CBLN2: variants seen among roughly 807,000 people sequenced by gnomAD.
The protein encoded by CBLN2 is cerebellin-2.
A neutral mutation model predicts 15.0 loss-of-function variants in CBLN2; 7 were observed. The ratio of observed to expected loss-of-function variants is 0.47; its 90% CI spans 0.27 to 0.88. The LOEUF (loss-of-function observed/expected upper bound fraction) is 0.88. CBLN2 is among the 40% of genes least tolerant of loss of function. The pLI is 0.14. For missense variants in CBLN2, 242 were observed against 304.5 expected (o/e 0.79, Z 1.53); for synonymous variants, 149 against 135.2 (o/e 1.10, Z -0.71).
At chr18:72,589,968 A>G (rs2069468923) in intron 1 of CBLN2, among the ~76,000 whole-genome samples, 1 of 152,182 alleles carries the variant, frequency 6.6e-6, no homozygotes, top group African/African-American at 2.4e-5. Context: ...CCCTATCTCT[A>G]CTAAAAATAC....
Position 72,583,386 on chromosome 18 carries a change from C to T in CBLN2, c.16-44614G>A, listed in dbSNP as rs191533629. Among the ~76,000 whole-genome samples, 130 of 152,206 alleles carry T rather than the reference C, an allele frequency of 8.5e-4. 1 individual carries two copies. The Middle Eastern group carries it at 0.01, about 12-fold the overall frequency. The stretch of plus-strand genomic sequence containing the variant: ...AGAGCCTGTTATTCCCTCTCACCCA[C>T]GCCCAGTCCCTCCTTGCAAACACAA... On this transcript the variant is annotated intron_variant, in intron 1 of 2. Coordinates refer to the CBLN2 transcript ENST00000581073.
intron 1 of CBLN2, among the ~76,000 whole-genome samples, chr18:72,561,989 T>C (rs1484729566): frequency 6.6e-6 from 1 of 152,186 alleles, no homozygotes; most frequent in Non-Finnish European, 1.5e-5. Context: ...ATTGCTAGGT[T>C]ACACAATTCC....
At chr18:72,617,159 T>A (rs2069667874) in intron 1 of CBLN2, among the ~76,000 whole-genome samples, 1 of 152,174 alleles carries the variant, frequency 6.6e-6, no homozygotes. Context: ...AAATTCAAGC[T>A]CACATATGTA....
At chr18:72,575,190 G>T (rs2069357027) in intron 1 of CBLN2, among the ~76,000 whole-genome samples, 1 of 152,128 alleles carries the variant, frequency 6.6e-6, no homozygotes, top group Admixed American at 6.5e-5. Flanking sequence ...TGTGATGCAG[G>T]TGCTGAGACA....
At chr18:72,551,133 T>G (rs2069189544) in intron 1 of CBLN2, among the ~76,000 whole-genome samples, 2 of 152,108 alleles carry the variant, frequency 1.3e-5, no homozygotes, top group South Asian at 4.1e-4. Context: ...AGTCCTCTAT[T>G]TAAACATTGA....
At chr18:72,619,660 C>A (rs1005507970) in intron 1 of CBLN2, among the ~76,000 whole-genome samples, 3 of 152,012 alleles carry the variant, frequency 2.0e-5, no homozygotes, top group African/African-American at 7.2e-5. Context: ...TTGTTTTTTG[C>A]CCTTGATTAT....
chr18:72,561,985 A>G (rs951112787), intron 1 of CBLN2, among the ~76,000 whole-genome samples: 4 of 152,210 alleles, frequency 2.6e-5, no homozygotes, highest in African/African-American at 9.6e-5. Context: ...AATCATTGCT[A>G]GGTTACACAA....
At chr18:72,540,139 C>T (rs891971788) in intron 3 of CBLN2, 1 of 152,182 alleles carries the variant, frequency 6.6e-6, no homozygotes, top group Non-Finnish European at 1.5e-5. Context: ...TCTCACAAGG[C>T]TATGCTCGCT....
At chr18:72,565,682 T>G (rs948541858) in intron 1 of CBLN2, among the ~76,000 whole-genome samples, 40 of 152,146 alleles carry the variant, frequency 2.6e-4, no homozygotes, top group African/African-American at 9.2e-4. Context: ...ACTGCTACAG[T>G]AAATCACCAG....
At chr18:72,615,135 TATAA>T (rs1311786778) in intron 1 of CBLN2, among the ~76,000 whole-genome samples, 12 of 131,630 alleles carry the variant, frequency 9.1e-5, no homozygotes, top group African/African-American at 1.2e-4. Flanking sequence ...AAATATATTA[TATAA>T]ATAAATATAA....
At chr18:72,635,911 T>C (rs2069809148) in intron 1 of CBLN2, among the ~76,000 whole-genome samples, 1 of 152,180 alleles carries the variant, frequency 6.6e-6, no homozygotes, top group African/African-American at 2.4e-5. Context: ...TAAATGTTTC[T>C]ATAAAGGAAT....
intron 1 of CBLN2, among the ~76,000 whole-genome samples, chr18:72,611,517 TG>T (rs375752017): frequency 1.8e-4 from 28 of 152,324 alleles, no homozygotes; most frequent in African/African-American, 6.7e-4. Flanking sequence ...CATTTTTTCA[TG>T]TTTGTTGGCT....
At chr18:72,561,766 A>G (rs2069263139) in intron 1 of CBLN2, among the ~76,000 whole-genome samples, 1 of 152,180 alleles carries the variant, frequency 6.6e-6, no homozygotes, top group Admixed American at 6.5e-5. Context: ...TGCTTATTTC[A>G]TGCACAATTT....
chr18:72,552,150 G>A (rs1363578400), intron 1 of CBLN2, among the ~76,000 whole-genome samples: 2 of 150,234 alleles, frequency 1.3e-5, no homozygotes, highest in Non-Finnish European at 2.9e-5. Flanking sequence ...AGGCTGGTAC[G>A]ATCTCGGCTG....
At chr18:72,630,564 C>CAGAGAGAGAGAGAGAGAGAG (rs368831135) in intron 1 of CBLN2, among the ~76,000 whole-genome samples, 7,422 of 135,012 alleles carry the variant, frequency 0.055, 225 homozygotes, top group East Asian at 0.061. Flanking sequence ...CACACACATG[C>CAGAGAGAGAGAGAGAGAGAG]AGAGAGAGAG....
chr18:72,574,623 G>C (rs2069353063), intron 1 of CBLN2, among the ~76,000 whole-genome samples: 1 of 152,192 alleles, frequency 6.6e-6, no homozygotes, highest in Non-Finnish European at 1.5e-5. Context: ...CAGCAGGAAT[G>C]CAAAGTATAT....
At chr18:72,546,494 A>G (rs943260232), upstream of CBLN2, among the ~76,000 whole-genome samples, 1 of 152,188 alleles carries the variant, frequency 6.6e-6, no homozygotes, top group Admixed American at 6.5e-5. Flanking sequence ...GCTTGTAAAT[A>G]TGCTTAGAAA....
At chr18:72,556,974 C>A (rs2069230804) in intron 1 of CBLN2, among the ~76,000 whole-genome samples, 1 of 151,986 alleles carries the variant, frequency 6.6e-6, no homozygotes, top group South Asian at 2.1e-4. Context: ...ATGTTTTCAT[C>A]ATTCTTATGC....
At chr18:72,631,779 A>C (rs2069778539) in intron 1 of CBLN2, among the ~76,000 whole-genome samples, 1 of 152,168 alleles carries the variant, frequency 6.6e-6, no homozygotes, top group South Asian at 2.1e-4. Context: ...ATTCATCTGA[A>C]ATACACTCAG....
Sources: allele counts gnomAD v4.1 joint callset (sites outside exome capture counted in the v4.1 genomes callset), GRCh38; gene constraint gnomAD v4.1.1; transcripts MANE v1.5; gene names NCBI Gene and HGNC (gene_info 2026-07-23, HGNC 2026-07-21).